The following PLXDC2 variants were observed in gnomAD, a reference collection of about 807,000 sequenced individuals.
PLXDC2 encodes the protein plexin domain-containing protein 2.
PLXDC2 carries 40 observed loss-of-function variants against 68.9 expected under a neutral mutation model. The ratio of observed to expected loss-of-function variants is 0.58; its 90% CI spans 0.45 to 0.76. The LOEUF (loss-of-function observed/expected upper bound fraction) is 0.76. Ranked by LOEUF, PLXDC2 falls within the 30% of genes least tolerant of loss-of-function variation. The probability of loss-of-function intolerance (pLI) is 0.00; values close to 1 mark genes in which losing one functional copy is unlikely to be tolerated. For synonymous variants in PLXDC2, 243 were observed against 234.2 expected (o/e 1.04, Z -0.34); for missense variants, 644 against 661.9 (o/e 0.97, Z 0.30).
At position 20,261,183 on chromosome 10, in the gene PLXDC2, G is replaced by A. The variant is rs139769082; in HGVS notation, c.1473+15678G>A. On this transcript the variant is annotated intron_variant, in intron 13 of 13. Coordinates refer to ENST00000377252, the MANE Select transcript of PLXDC2 (RefSeq NM_032812.9). Reference sequence around the variant, plus strand: ...TGTTACTTGTTTGCTGTATAGAAGCGTTACAGTTTTATGTAATCTCACTTT... The same window carrying A: ...TGTTACTTGTTTGCTGTATAGAAGCATTACAGTTTTATGTAATCTCACTTT... Among the ~76,000 whole-genome samples, 962 of 152,174 alleles carry A rather than the reference G, an allele frequency of 6.3e-3. 8 individuals carry two copies. The highest frequency in any genetic ancestry group is 0.018 in the African/African-American group (762 of 41,524).
intron 9 of PLXDC2, among the ~76,000 whole-genome samples, chr10:20,209,058 G>T (rs185694197): frequency 4.6e-5 from 7 of 152,210 alleles, no homozygotes; most frequent in African/African-American, 1.4e-4. Context: ...ACAGGACGGG[G>T]GCGAAATTAA....
chr10:19,960,238 C>A (rs1241364528), intron 1 of PLXDC2, among the ~76,000 whole-genome samples: 1 of 149,550 alleles, frequency 6.7e-6, no homozygotes, highest in East Asian at 2.0e-4. Flanking sequence ...GTAGTGCACA[C>A]GTGTATTCCC....
At chr10:20,068,075 A>G in intron 3 of PLXDC2, 95 bp from the exon 4 acceptor site, 1 of 1,013,866 alleles carries the variant, frequency 9.9e-7, no homozygotes, top group Non-Finnish European at 1.5e-6. Flanking sequence ...GGGGTAAAGT[A>G]GAAGCATCAT....
intron 11 of PLXDC2, 115 bp from the exon 12 acceptor site, chr10:20,218,949 C>A: frequency 1.8e-6 from 2 of 1,111,042 alleles, no homozygotes; most frequent in South Asian, 1.5e-5. Context: ...AATAAATTAT[C>A]AAAATCTAGT....
chr10:20,238,707 G>GTATATATA (rs1292825929), intron 12 of PLXDC2, among the ~76,000 whole-genome samples: 4 of 47,468 alleles, frequency 8.4e-5, no homozygotes, highest in African/African-American at 2.0e-4. Flanking sequence ...ACATATATAT[G>GTATATATA]TGTATATATA....
intron 4 of PLXDC2, among the ~76,000 whole-genome samples, chr10:20,115,395 C>A (rs563365040): frequency 6.6e-6 from 1 of 152,268 alleles, no homozygotes; most frequent in Admixed American, 6.5e-5. Context: ...GCTGTTTCAG[C>A]CCCTATTTGG....
intron 1 of PLXDC2, among the ~76,000 whole-genome samples, chr10:19,977,913 A>G (rs182126441): frequency 2.2e-4 from 33 of 152,290 alleles, no homozygotes; most frequent in Non-Finnish European, 1.3e-4. Context: ...TGAAAAATGT[A>G]AACATTTAGT....
intron 1 of PLXDC2, among the ~76,000 whole-genome samples, chr10:19,864,523 A>AT (rs954852730): frequency 5.9e-5 from 9 of 152,100 alleles, no homozygotes; most frequent in Non-Finnish European, 1.0e-4. Flanking sequence ...AACAATTTAA[A>AT]TTTTTTTTAT....
chr10:20,100,022 C>T (rs1397908374), intron 4 of PLXDC2, among the ~76,000 whole-genome samples: 1 of 152,176 alleles, frequency 6.6e-6, no homozygotes, highest in African/African-American at 2.4e-5. Flanking sequence ...AAGCATGAGT[C>T]TAACAACTTA....
intron 13 of PLXDC2, among the ~76,000 whole-genome samples, chr10:20,258,244 G>T (rs181151026): frequency 3.3e-5 from 5 of 151,890 alleles, no homozygotes; most frequent in Admixed American, 2.6e-4. Flanking sequence ...CCTGTGACCC[G>T]CCCGCCTCGG....
chr10:19,993,690 G>A (rs1834791134), intron 1 of PLXDC2, among the ~76,000 whole-genome samples: 1 of 152,208 alleles, frequency 6.6e-6, no homozygotes, highest in South Asian at 2.1e-4. Flanking sequence ...AAAGTGCTGG[G>A]ATTACAGGCG....
intron 1 of PLXDC2, among the ~76,000 whole-genome samples, chr10:19,873,775 C>T (rs888211265): frequency 6.6e-6 from 1 of 152,138 alleles, no homozygotes; most frequent in Non-Finnish European, 1.5e-5. Context: ...TTTGGTATCA[C>T]AAAGATCTAT....
intron 9 of PLXDC2, among the ~76,000 whole-genome samples, chr10:20,178,000 A>G (rs1834552252): frequency 6.6e-6 from 1 of 152,048 alleles, no homozygotes; most frequent in South Asian, 2.1e-4. Context: ...ATGATTATAG[A>G]GCAGTTGATG....
chr10:20,064,011 TTATGCC>T (rs1042776660), intron 3 of PLXDC2, among the ~76,000 whole-genome samples: 1 of 152,174 alleles, frequency 6.6e-6, no homozygotes, highest in African/African-American at 2.4e-5. Context: ...TCGATTTTGT[TTATGCC>T]TTTTATGTTC....
chr10:20,039,737 T>A (rs1205348119), intron 2 of PLXDC2, among the ~76,000 whole-genome samples: 2 of 152,282 alleles, frequency 1.3e-5, no homozygotes. Flanking sequence ...ATATAATGTG[T>A]TTATTATAAA....
intron 12 of PLXDC2, among the ~76,000 whole-genome samples, chr10:20,232,915 A>G (rs1835384458): frequency 6.6e-6 from 1 of 152,202 alleles, no homozygotes. Context: ...GAAGAAAGAA[A>G]AGAAGCATTT....
chr10:20,274,130 C>G (rs1835974671), intron 13 of PLXDC2, among the ~76,000 whole-genome samples: 1 of 151,476 alleles, frequency 6.6e-6, no homozygotes, highest in African/African-American at 2.4e-5. Context: ...GGAAAGAAAA[C>G]AGAAAGAAAG....
At chr10:20,272,931 G>A (rs1016897378) in intron 13 of PLXDC2, among the ~76,000 whole-genome samples, 2 of 152,338 alleles carry the variant, frequency 1.3e-5, no homozygotes, top group South Asian at 4.1e-4. Flanking sequence ...GCTCCCAACA[G>A]TGAACTCAGC....
intron 1 of PLXDC2, among the ~76,000 whole-genome samples, chr10:19,821,458 T>C (rs1306744875): frequency 6.6e-6 from 1 of 152,232 alleles, no homozygotes; most frequent in Non-Finnish European, 1.5e-5. Context: ...TGCTTGATAT[T>C]GTAGGGTTTC....
Sources: allele counts gnomAD v4.1 joint callset (sites outside exome capture counted in the v4.1 genomes callset), GRCh38; gene constraint gnomAD v4.1.1; transcripts MANE v1.5; gene names NCBI Gene and HGNC (gene_info 2026-07-23, HGNC 2026-07-21).